AR: variants seen among roughly 807,000 people sequenced by gnomAD.
The protein encoded by AR is androgen receptor.
Under a neutral mutation model 53.9 loss-of-function variants are expected in AR, and 8 were observed. That is an observed-to-expected ratio of 0.15 (90% CI 0.09 to 0.27). The LOEUF (loss-of-function observed/expected upper bound fraction) is 0.27, where lower values mean the gene tolerates loss of function less well. Ranked by LOEUF, AR falls within the 10% of genes least tolerant of loss-of-function variation. The pLI, the probability that AR is intolerant of heterozygous loss-of-function variation, is 1.00. For synonymous variants in AR, 359 were observed against 316.4 expected, an observed-to-expected ratio of 1.13 and a Z score of -1.43; for missense variants, 639 against 742.5, an observed-to-expected ratio of 0.86 and a Z score of 1.62.
intron 1 of AR, among the ~76,000 whole-genome samples, chrX:67,586,819 G>C (rs768564118): frequency 1.8e-5 from 2 of 111,733 alleles, no homozygotes; most frequent in African/African-American, 3.3e-5. Flanking sequence ...AGTTGTTATA[G>C]AGTTGGCCCC....
chrX:67,600,778 A>G (rs1464895264), intron 1 of AR, among the ~76,000 whole-genome samples: 1 of 111,676 alleles, frequency 9.0e-6, no homozygotes, highest in African/African-American at 3.2e-5. Context: ...ATTAGTACAC[A>G]TTGCATGCTT....
chrX:67,709,309 CTTTG>C (rs1234408017), intron 3 of AR, among the ~76,000 whole-genome samples: 1 of 112,280 alleles, frequency 8.9e-6, no homozygotes, highest in African/African-American at 3.2e-5. Flanking sequence ...TTCCCAGCTG[CTTTG>C]TTTACCTACT....
chrX:67,662,886 C>T (rs1434206157), intron 2 of AR, among the ~76,000 whole-genome samples: 1 of 111,571 alleles, frequency 9.0e-6, no homozygotes, highest in African/African-American at 3.3e-5. Context: ...TAATGGCCTT[C>T]TTTGTCTCTT....
chrX:67,666,078 A>G (rs1038501836), intron 2 of AR, among the ~76,000 whole-genome samples: 1 of 111,167 alleles, frequency 9.0e-6, no homozygotes, highest in Non-Finnish European at 1.9e-5. Context: ...ATCCAATTAT[A>G]TTCTTTTAGT....
At chrX:67,627,186 G>C (rs1485496223) in intron 1 of AR, among the ~76,000 whole-genome samples, 1 of 111,302 alleles carries the variant, frequency 9.0e-6, no homozygotes, top group African/African-American at 3.3e-5. Flanking sequence ...TCTAGTTCTA[G>C]ATCCCTGAGG....
At chrX:67,613,400 G>C (rs1476619239) in intron 1 of AR, among the ~76,000 whole-genome samples, 4 of 111,535 alleles carry the variant, frequency 3.6e-5, no homozygotes, top group Non-Finnish European at 7.5e-5. Context: ...CATGCCTAAG[G>C]GCACTGTCAA....
At chrX:67,628,710 G>C (rs1484213193) in intron 1 of AR, among the ~76,000 whole-genome samples, 1 of 111,368 alleles carries the variant, frequency 9.0e-6, no homozygotes, top group African/African-American at 3.3e-5. Context: ...TCCCTGTCTT[G>C]TGCCAGTTTT....
chrX:67,686,372 C>T (rs1479170161), intron 3 of AR, among the ~76,000 whole-genome samples: 1 of 111,381 alleles, frequency 9.0e-6, no homozygotes, highest in Non-Finnish European at 1.9e-5. Context: ...AAGCAGGGAT[C>T]AGGAGCCAAC....
rs2076160745 is a variant in AR, at chrX:67,727,068, G to A, written c.*3227G>A. 1 of 172,969 alleles carries A rather than the reference G, an allele frequency of 5.8e-6. No individual in the cohort carries two copies. The highest frequency in any genetic ancestry group is 7.8e-5 in the Admixed American group (1 of 12,780). The allele number at this position is 172,969 out of a possible 1,213,427, so 14.3% of individuals were successfully genotyped here. ...TCACGAACTCTGTAGTCAAAGAAAA[G>A]AGTCGTGTGGCAGTTTCAGCTCTCG... On this transcript the variant is annotated 3_prime_UTR_variant, in exon 8 of 8. Coordinates refer to ENST00000374690, the MANE Select transcript of AR (RefSeq NM_000044.6).
rs2076018277 is a variant in AR, at chrX:67,695,879, T to C, written c.1885+9753T>C. The C allele has an allele frequency of 4.0e-6, 3 of 753,407 alleles. No individual in the cohort carries two copies. In the African/African-American group the frequency reaches 6.9e-5, roughly 17 times the overall value. 62.1% of individuals were successfully genotyped at this position (753,407 alleles called of 1,213,427 possible). On this transcript the variant is annotated intron_variant, in intron 3 of 7. Coordinates refer to ENST00000374690, the MANE Select transcript of AR (RefSeq NM_000044.6). ...TCTTTCCCCTGACTCAGCAACATTC[T>C]GGAGAAAAGCCAAGGAAGGACTTCA...
rs976306779 is a variant in AR, at chrX:67,545,492, C to A, written c.346C>A (p.Pro116Thr). 6.7e-6 allele frequency: 8 copies of A among 1,194,689 alleles called. No homozygotes were observed. Among genetic ancestry groups the A allele is most frequent in the Non-Finnish European group, 9.0e-6 (8 of 887,817 alleles). Residue 116 changes from proline to threonine, a missense_variant, in exon 1 of 8, where the codon CCT becomes ACT. Transcript: ENST00000374690. ...GYLVLDEEQQ[P>T]SQPQSALECH... The stretch of plus-strand genomic sequence containing the variant: ...CCTGGTCCTGGATGAGGAACAGCAA[C>A]CTTCACAGCCGCAGTCGGCCCTGGA...
chrX:67,669,866 T>C (rs1423698626), intron 2 of AR, among the ~76,000 whole-genome samples: 1 of 109,849 alleles, frequency 9.1e-6, no homozygotes, highest in Non-Finnish European at 1.9e-5. Flanking sequence ...TTGCTGCTAA[T>C]TTTTTTGGTT....
chrX:67,680,550 T>G (rs1487146369), intron 2 of AR, among the ~76,000 whole-genome samples: 1 of 112,114 alleles, frequency 8.9e-6, no homozygotes, highest in Non-Finnish European at 1.9e-5. Flanking sequence ...GTTTTGTTCA[T>G]ATAGGTCCTG....
At chrX:67,695,897 G>A (rs2076018352) in intron 3 of AR, 1 of 753,483 alleles carries the variant, frequency 1.3e-6, no homozygotes, top group South Asian at 6.8e-5. Context: ...AGCCAAGGAA[G>A]GACTTCAGGA....
intron 5 of AR, 129 bp from the exon 6 acceptor site, chrX:67,721,704 G>A (rs183303878): frequency 8.8e-6 from 8 of 908,361 alleles, no homozygotes; most frequent in Admixed American, 2.2e-5. Flanking sequence ...CTGGTCCCTG[G>A]AGCACCAGCA....
At chrX:67,655,964 G>A (rs770622163) in intron 2 of AR, among the ~76,000 whole-genome samples, 15 of 111,958 alleles carry the variant, frequency 1.3e-4, no homozygotes, top group Non-Finnish European at 2.6e-4. Context: ...TATTTATACG[G>A]ATAATTTGAT....
chrX:67,646,139 T>C (rs897981310), intron 2 of AR, among the ~76,000 whole-genome samples: 1 of 112,007 alleles, frequency 8.9e-6, no homozygotes, highest in African/African-American at 3.2e-5. Flanking sequence ...GGTACAGGAC[T>C]TAAAAGCCTG....
chrX:67,710,284 T>C (rs2076088658), intron 3 of AR, among the ~76,000 whole-genome samples: 1 of 111,815 alleles, frequency 8.9e-6, no homozygotes, highest in African/African-American at 3.3e-5. Flanking sequence ...ATTCAGTATT[T>C]GTCTATCACT....
intron 1 of AR, among the ~76,000 whole-genome samples, chrX:67,604,018 T>C (rs1207876675): frequency 1.8e-5 from 2 of 110,747 alleles, no homozygotes; most frequent in Non-Finnish European, 3.8e-5. Context: ...AGAGTCAGGA[T>C]TAGTACCAAG....
Sources: gnomAD v4.1 joint callset for allele counts (sites outside exome capture counted in the v4.1 genomes callset) on GRCh38, gnomAD v4.1.1 for gene constraint, MANE v1.5 for transcripts, NCBI Gene and HGNC (gene_info 2026-07-23, HGNC 2026-07-21) for gene names.